Variants in DAB1 observed in about 807,000 individuals in gnomAD.
The protein encoded by DAB1 is DAB adaptor protein 1, also known as disabled homolog 1.
In DAB1, 15 loss-of-function variants were observed where a neutral mutation model predicts 64.6. The observed-to-expected ratio is 0.23, with a 90% CI of 0.16 to 0.36. The LOEUF (loss-of-function observed/expected upper bound fraction) is 0.36. DAB1 is among the 10% of genes least tolerant of loss of function. The probability of loss-of-function intolerance (pLI) is 1.00; values close to 1 mark genes in which losing one functional copy is unlikely to be tolerated. For missense variants in DAB1, 596 were observed against 706.7 expected (o/e 0.84, Z 1.78); for synonymous variants, 235 against 251.9 (o/e 0.93, Z 0.64).
At chr1:57,567,744 G>C (rs897262873) in intron 7 of DAB1, among the ~76,000 whole-genome samples, 3 of 152,138 alleles carry the variant, frequency 2.0e-5, no homozygotes, top group East Asian at 1.9e-4. Flanking sequence ...TCTTCAAGGA[G>C]AACTACAAAC....
At chr1:57,409,020 G>A (rs766137142) in intron 1 of DAB1, among the ~76,000 whole-genome samples, 6 of 152,156 alleles carry the variant, frequency 3.9e-5, no homozygotes, top group Non-Finnish European at 7.3e-5. Flanking sequence ...ACCCCTAGAC[G>A]TGGTGGAGTC....
intron 1 of DAB1, among the ~76,000 whole-genome samples, chr1:57,375,575 G>A (rs1466252359): frequency 6.6e-6 from 1 of 152,100 alleles, no homozygotes; most frequent in Non-Finnish European, 1.5e-5. Context: ...ACATCACAGG[G>A]CTACTAAACA....
chr1:58,001,264 T>C (rs1261456322), intron 5 of DAB1, among the ~76,000 whole-genome samples: 1 of 151,986 alleles, frequency 6.6e-6, no homozygotes, highest in Non-Finnish European at 1.5e-5. Flanking sequence ...GGCTCTTTTT[T>C]GTTTGTTTGT....
intron 1 of DAB1, among the ~76,000 whole-genome samples, chr1:57,835,307 T>C (rs1482314510): frequency 1.3e-5 from 2 of 152,196 alleles, no homozygotes; most frequent in African/African-American, 4.8e-5. Context: ...GGCTTTATAA[T>C]CAGCATCACT....
intron 7 of DAB1, among the ~76,000 whole-genome samples, chr1:57,593,368 T>C (rs1477903368): frequency 6.6e-6 from 1 of 152,248 alleles, no homozygotes; most frequent in African/African-American, 2.4e-5. Flanking sequence ...AATATTCTAC[T>C]GTACATGTAG....
At position 57,985,471 on chromosome 1, in the gene DAB1, G is replaced by A. The variant is rs151125984; in HGVS notation, n.388-101309C>T. ...TTAGGAGGAGGTCAGGCCTTCGAGAGGTGATTAGCATTAACACCAACTTCT... is the reference window on the plus strand; with the variant it reads ...TTAGGAGGAGGTCAGGCCTTCGAGAAGTGATTAGCATTAACACCAACTTCT... On this transcript the variant is annotated intron_variant and non_coding_transcript_variant, in intron 5 of 20. Coordinates refer to the DAB1 transcript ENST00000485760. 4.4e-3 allele frequency among the ~76,000 whole-genome samples: 663 copies of A among 152,180 alleles called. 6 individuals are homozygous for A. Among genetic ancestry groups the A allele is most frequent in the African/African-American group, 0.015 (622 of 41,498 alleles).
chr1:57,053,326 C>T (rs889178161), intron 9 of DAB1, among the ~76,000 whole-genome samples: 1 of 151,612 alleles, frequency 6.6e-6, no homozygotes, highest in East Asian at 2.0e-4. Context: ...TAGCTCACTG[C>T]AGCCTCAAAC....
intron 4 of DAB1, among the ~76,000 whole-genome samples, chr1:58,152,794 A>C (rs1450162696): frequency 6.6e-6 from 1 of 152,242 alleles, no homozygotes; most frequent in African/African-American, 2.4e-5. Context: ...AGTAAGTTCC[A>C]GTTTTAAAAG....
At chr1:57,753,423 CG>C (rs1399547525) in intron 6 of DAB1, among the ~76,000 whole-genome samples, 1 of 152,156 alleles carries the variant, frequency 6.6e-6, no homozygotes, top group African/African-American at 2.4e-5. Flanking sequence ...GCATGGGCCT[CG>C]GAACCAGGAG....
At chr1:57,471,674 A>G (rs1039013976) in intron 7 of DAB1, among the ~76,000 whole-genome samples, 10 of 152,180 alleles carry the variant, frequency 6.6e-5, no homozygotes, top group African/African-American at 9.7e-5. Context: ...TGTAAGACAT[A>G]CCTTTCACCT....
At position 57,015,301 on chromosome 1, in the gene DAB1, G is replaced by T; in HGVS notation, c.1026C>A (p.Gly342=). The T allele has an allele frequency of 1.9e-6, 3 of 1,614,086 alleles. No homozygotes were observed. Among genetic ancestry groups the T allele is most frequent in the African/African-American group, 2.7e-5 (2 of 75,038 alleles). Residue 342 remains glycine, a synonymous_variant, in exon 12 of 15, where the codon GGC becomes GGA. Transcript: ENST00000371236. ...VMPGAQPIAW[G]QPGLFPATQQ... is the part of the protein sequence containing the mutation. ...GAGTGGCAGGAAAGAGACCCGGCTGGCCCCATGCGATGGGCTGAGCCCCCG... is the reference window on the plus strand; with the variant it reads ...GAGTGGCAGGAAAGAGACCCGGCTGTCCCCATGCGATGGGCTGAGCCCCCG...
At chr1:58,041,396 A>G (rs1195333588) in intron 5 of DAB1, among the ~76,000 whole-genome samples, 1 of 152,182 alleles carries the variant, frequency 6.6e-6, no homozygotes, top group Non-Finnish European at 1.5e-5. Flanking sequence ...CCCTCAGCAT[A>G]TGATTGTGGG....
intron 2 of DAB1, among the ~76,000 whole-genome samples, chr1:57,240,552 A>G (rs149806261): frequency 1.4e-3 from 206 of 152,332 alleles, no homozygotes; most frequent in African/African-American, 4.8e-3. Flanking sequence ...CTCAGAAAAT[A>G]TTAACTTGAC....
intron 2 of DAB1, among the ~76,000 whole-genome samples, chr1:57,189,022 G>A (rs958125410): frequency 6.6e-6 from 1 of 152,034 alleles, no homozygotes; most frequent in Admixed American, 6.6e-5. Context: ...GGTAAGGGTG[G>A]GGAGTAGAAA....
At chr1:57,593,540 A>G (rs751761319) in intron 7 of DAB1, among the ~76,000 whole-genome samples, 1 of 152,246 alleles carries the variant, frequency 6.6e-6, no homozygotes, top group African/African-American at 2.4e-5. Context: ...TGGCTTCTTG[A>G]TAAGTGTACA....
chr1:58,478,383 T>C (rs1010219473), intron 3 of DAB1, among the ~76,000 whole-genome samples: 2 of 152,200 alleles, frequency 1.3e-5, no homozygotes, highest in Admixed American at 6.5e-5. Context: ...AATGGACTAA[T>C]AGTACAAAGT....
At chr1:57,325,328 A>T (rs953406405) in intron 1 of DAB1, among the ~76,000 whole-genome samples, 4 of 152,204 alleles carry the variant, frequency 2.6e-5, no homozygotes, top group Non-Finnish European at 5.9e-5. Flanking sequence ...GGTGTTGGTA[A>T]GCATGCTTTA....
intron 1 of DAB1, among the ~76,000 whole-genome samples, chr1:57,419,398 C>T (rs1037094805): frequency 3.3e-5 from 5 of 151,106 alleles, no homozygotes; most frequent in African/African-American, 7.3e-5. Context: ...AGAATAACTG[C>T]GGAAAAGTAA....
chr1:57,771,243 C>T (rs1334059623), intron 6 of DAB1, among the ~76,000 whole-genome samples: 1 of 152,070 alleles, frequency 6.6e-6, no homozygotes, highest in Non-Finnish European at 1.5e-5. Context: ...GACTATACCA[C>T]AATCAAGTTT....
Sources: gnomAD v4.1 joint callset for allele counts (sites outside exome capture counted in the v4.1 genomes callset) on GRCh38, gnomAD v4.1.1 for gene constraint, MANE v1.5 for transcripts, NCBI Gene and HGNC (gene_info 2026-07-23, HGNC 2026-07-21) for gene names.